The following EFCAB5 variants were observed in gnomAD, a reference collection of about 807,000 sequenced individuals.
EFCAB5 encodes EF-hand calcium-binding domain-containing protein 5.
EFCAB5 carries 131 observed loss-of-function variants against 167.9 expected under a neutral mutation model. The ratio of observed to expected loss-of-function variants is 0.78; its 90% confidence interval spans 0.68 to 0.90. EFCAB5 has a LOEUF of 0.90. EFCAB5 is among the 40% of genes least tolerant of loss of function. The probability of loss-of-function intolerance (pLI) is 0.00; values close to 1 mark genes in which losing one functional copy is unlikely to be tolerated. For synonymous variants in EFCAB5, 574 were observed against 602.8 expected, an observed-to-expected ratio of 0.95 and a Z score of 0.70; for missense variants, 1,663 against 1,745.2, an observed-to-expected ratio of 0.95 and a Z score of 0.84.
At chr17:29,990,227 G>A (rs2068383656) in intron 4 of EFCAB5, among the ~76,000 whole-genome samples, 1 of 152,176 alleles carries the variant, frequency 6.6e-6, no homozygotes, top group Non-Finnish European at 1.5e-5. Context: ...GATGGCCAGT[G>A]CTGTAGATAA....
chr17:30,092,448 C>T (rs2071218883), intron 21 of EFCAB5, among the ~76,000 whole-genome samples: 3 of 152,084 alleles, frequency 2.0e-5, no homozygotes, highest in South Asian at 2.1e-4. Context: ...AGTGCGATGG[C>T]GCTATCTCGG....
chr17:29,970,743 A>G (rs1379597499), intron 4 of EFCAB5, among the ~76,000 whole-genome samples: 1 of 151,124 alleles, frequency 6.6e-6, no homozygotes, highest in Admixed American at 6.6e-5. Flanking sequence ...GTGTCTTTCC[A>G]TTTGCTCATC....
intron 3 of EFCAB5, among the ~76,000 whole-genome samples, chr17:29,956,893 C>A (rs971649222): frequency 5.3e-5 from 8 of 152,070 alleles, no homozygotes; most frequent in East Asian, 1.9e-4. Context: ...AGAAATCCTG[C>A]AAATAAGGAT....
At chr17:29,979,078 A>G (rs946087885) in intron 4 of EFCAB5, among the ~76,000 whole-genome samples, 1 of 152,120 alleles carries the variant, frequency 6.6e-6, no homozygotes, top group Non-Finnish European at 1.5e-5. Context: ...CTGGCTGGGC[A>G]CGGTGGCTCA....
chr17:30,083,593 T>C (rs576676781), intron 18 of EFCAB5, among the ~76,000 whole-genome samples: 102 of 152,314 alleles, frequency 6.7e-4, no homozygotes, highest in Non-Finnish European at 1.2e-3. Context: ...TAGCTGGGAT[T>C]ACAGGCATGC....
chr17:30,097,355 TA>T (rs1240066879), intron 22 of EFCAB5, among the ~76,000 whole-genome samples: 2 of 152,158 alleles, frequency 1.3e-5, no homozygotes, highest in African/African-American at 2.4e-5. Flanking sequence ...GAGCTGGCTT[TA>T]AATTTTTTAT....
At chr17:30,056,296 G>C (rs185980607) in intron 12 of EFCAB5, 140 bp downstream of exon 12, 1 of 757,834 alleles carries the variant, frequency 1.3e-6, no homozygotes, top group South Asian at 1.8e-5. Flanking sequence ...CCTTGAGCTG[G>C]TGAATCTAAA....
intron 4 of EFCAB5, 138 bp from the exon 5 acceptor site, chr17:29,993,027 C>A: frequency 2.7e-6 from 2 of 744,154 alleles, no homozygotes; most frequent in Non-Finnish European, 3.9e-6. Context: ...AAGAAGGGCT[C>A]ACTACAGGCC....
intron 7 of EFCAB5, among the ~76,000 whole-genome samples, chr17:30,027,821 C>T (rs1253969391): frequency 6.6e-6 from 1 of 152,062 alleles, no homozygotes; most frequent in Non-Finnish European, 1.5e-5. Flanking sequence ...GACTCTAGCC[C>T]CACGTCTTCC....
In EFCAB5 at chr17:30,091,862, T is replaced by C; in HGVS notation, c.3938-9T>C. 6.2e-7 allele frequency: 1 copy of C among 1,612,476 alleles called. No individual in the cohort carries two copies. Among genetic ancestry groups the C allele is most frequent in the Non-Finnish European group, 8.5e-7 (1 of 1,178,776 alleles). ...AACAGCAATGTGAGCTATCATTTTGTTATTCCAGAGATTGAAAATGTCAGG... is the reference window on the plus strand; with the variant it reads ...AACAGCAATGTGAGCTATCATTTTGCTATTCCAGAGATTGAAAATGTCAGG... On this transcript the variant is annotated splice_polypyrimidine_tract_variant and intron_variant, in intron 20 of 22. Coordinates refer to ENST00000394835, the MANE Select transcript of EFCAB5 (RefSeq NM_198529.4).
At chr17:30,032,800 C>A (rs2069512310) in intron 7 of EFCAB5, among the ~76,000 whole-genome samples, 1 of 152,072 alleles carries the variant, frequency 6.6e-6, no homozygotes, top group Non-Finnish European at 1.5e-5. Context: ...TCCTGCTAAC[C>A]TATCTTATGT....
intron 18 of EFCAB5, among the ~76,000 whole-genome samples, chr17:30,085,867 T>C (rs1474121687): frequency 6.6e-6 from 1 of 152,238 alleles, no homozygotes; most frequent in Admixed American, 6.5e-5. Flanking sequence ...ACCCTTGATG[T>C]CATGGAGTAT....
chr17:29,976,770 C>T (rs556094828), intron 4 of EFCAB5, among the ~76,000 whole-genome samples: 5 of 152,040 alleles, frequency 3.3e-5, no homozygotes, highest in Non-Finnish European at 5.9e-5. Context: ...TTTAAGTGTT[C>T]ATTTGCTTCA....
chr17:29,997,462 T>G (rs901715162), intron 6 of EFCAB5, among the ~76,000 whole-genome samples: 1 of 151,774 alleles, frequency 6.6e-6, no homozygotes, highest in East Asian at 1.9e-4. Flanking sequence ...TATATATATA[T>G]AGAATTCCCA....
chr17:30,045,053 A>T (rs2069883070), intron 8 of EFCAB5, among the ~76,000 whole-genome samples: 1 of 152,232 alleles, frequency 6.6e-6, no homozygotes, highest in Non-Finnish European at 1.5e-5. Context: ...GAACCAAAGG[A>T]TGCGCCATTA....
At chr17:29,987,365 G>T (rs190714731) in intron 4 of EFCAB5, among the ~76,000 whole-genome samples, 1 of 152,096 alleles carries the variant, frequency 6.6e-6, no homozygotes, top group Admixed American at 6.5e-5. Context: ...TAGATGTCTC[G>T]ATCGCACCCA....
chr17:29,960,562 A>G (rs1036042695), intron 3 of EFCAB5, among the ~76,000 whole-genome samples: 1 of 152,158 alleles, frequency 6.6e-6, no homozygotes, highest in African/African-American at 2.4e-5. Flanking sequence ...CCCCACATGC[A>G]TTAGCTATTT....
At chr17:29,953,914 T>C (rs1360111937) in intron 3 of EFCAB5, among the ~76,000 whole-genome samples, 1 of 152,186 alleles carries the variant, frequency 6.6e-6, no homozygotes, top group African/African-American at 2.4e-5. Flanking sequence ...CAGATGGAGA[T>C]GAGGAACTTG....
chr17:30,029,219 C>T (rs2069412243), intron 7 of EFCAB5, among the ~76,000 whole-genome samples: 1 of 152,086 alleles, frequency 6.6e-6, no homozygotes, highest in African/African-American at 2.4e-5. Context: ...GGGATTACAT[C>T]CTGGTAAATT....
Sources: gnomAD v4.1 joint callset for allele counts (sites outside exome capture counted in the v4.1 genomes callset) on GRCh38, gnomAD v4.1.1 for gene constraint, MANE v1.5 for transcripts, NCBI Gene and HGNC (gene_info 2026-07-23, HGNC 2026-07-21) for gene names.